CTNNB1: variants seen among roughly 807,000 people sequenced by gnomAD.
CTNNB1 encodes catenin beta-1.
A neutral mutation model predicts 82.5 loss-of-function variants in CTNNB1; 6 were observed. The observed-to-expected ratio is 0.07, with a 90% CI of 0.04 to 0.14. The LOEUF (loss-of-function observed/expected upper bound fraction) is 0.14. Ranked by LOEUF, CTNNB1 falls within the 10% of genes least tolerant of loss-of-function variation. The probability of loss-of-function intolerance (pLI) is 1.00; values close to 1 mark genes in which losing one functional copy is unlikely to be tolerated. For synonymous variants in CTNNB1, 312 were observed against 329.7 expected, an observed-to-expected ratio of 0.95 and a Z score of 0.58; for missense variants, 529 against 980.4, an observed-to-expected ratio of 0.54 and a Z score of 6.15.
chr3:41,210,598 C>T (rs918868738), intron 1 of CTNNB1, among the ~76,000 whole-genome samples: 2 of 152,142 alleles, frequency 1.3e-5, no homozygotes, highest in Non-Finnish European at 2.9e-5. Context: ...AATGGAGCTG[C>T]CACCTCCTGT....
intron 2 of CTNNB1, 73 bp downstream of exon 2, chr3:41,224,154 T>G: frequency 6.5e-7 from 1 of 1,538,476 alleles, no homozygotes; most frequent in East Asian, 2.2e-5. Context: ...CTGGCTGAGA[T>G]CCCCCTGCTT....
At chr3:41,201,491 G>T (rs1483241336) in intron 1 of CTNNB1, among the ~76,000 whole-genome samples, 1 of 152,100 alleles carries the variant, frequency 6.6e-6, no homozygotes, top group African/African-American at 2.4e-5. Flanking sequence ...TGAGATTATT[G>T]CAACAGTAAC....
At chr3:41,236,871 C>G (rs2078449702) in intron 13 of CTNNB1, 162 bp downstream of exon 13, 4 of 832,374 alleles carry the variant, frequency 4.8e-6, no homozygotes, top group South Asian at 4.5e-5. Flanking sequence ...TGAGGAAGAA[C>G]TATAATACAA....
At chr3:41,228,957 C>G (rs924333169) in intron 7 of CTNNB1, among the ~76,000 whole-genome samples, 2 of 152,132 alleles carry the variant, frequency 1.3e-5, no homozygotes, top group Non-Finnish European at 2.9e-5. Flanking sequence ...CCAGTTATCC[C>G]AGCACCATTT....
chr3:41,235,217 T>C (rs1466414186), intron 10 of CTNNB1: 1 of 167,252 alleles, frequency 6.0e-6, no homozygotes, highest in African/African-American at 2.4e-5. Flanking sequence ...AAAAGCTATC[T>C]TCCTTCTATA....
intron 1 of CTNNB1, among the ~76,000 whole-genome samples, chr3:41,209,483 G>A (rs1015823206): frequency 3.3e-5 from 5 of 152,094 alleles, no homozygotes; most frequent in East Asian, 1.9e-4. Flanking sequence ...CTCATACCAC[G>A]TATCTGAATT....
In CTNNB1 at chr3:41,239,421, CTTGG is replaced by C. The variant is rs1350356319; in HGVS notation, c.*85_*88del. 6.0e-6 allele frequency: 8 copies of C among 1,343,928 alleles called. No homozygotes were observed. The South Asian group carries it at 6.2e-5, about 10-fold the overall frequency. The allele number at this position is 1,343,928 out of a possible 1,614,324, so 83.3% of individuals were successfully genotyped here. A position where few individuals can be genotyped will look rare whatever the true frequency, so the allele number is the denominator to read the frequency against. ...CTCTGCCTACAGAACTTCAGAAAGA[CTTGG>C]TTGGTAGGGTGGGAGTGGTTTAGGC... On this transcript the variant is annotated 3_prime_UTR_variant, in exon 15 of 15. Coordinates refer to ENST00000349496, the MANE Select transcript of CTNNB1 (RefSeq NM_001904.4).
rs11564469 is a variant in CTNNB1, at chr3:41,237,046, AT to A, written c.2076+343del. 1,400 of 430,196 alleles carry A rather than the reference AT, an allele frequency of 3.3e-3. 5 individuals carry two copies. The highest frequency in any genetic ancestry group is 4.9e-3 in the Non-Finnish European group (1,189 of 243,586). 26.6% of individuals were successfully genotyped at this position (430,196 alleles called of 1,614,324 possible). On this transcript the variant is annotated intron_variant, in intron 13 of 14. Transcript: ENST00000349496. ...ACTGTTAAGAGGACAGTTTATCAGT[AT>A]TTTTTACTAAACTTTAATAAAACTT...
At chr3:41,223,452 A>G (rs1484151939) in intron 1 of CTNNB1, among the ~76,000 whole-genome samples, 1 of 152,184 alleles carries the variant, frequency 6.6e-6, no homozygotes, top group Non-Finnish European at 1.5e-5. Flanking sequence ...TTGTGTTGCA[A>G]ACTTTCATTT....
intron 1 of CTNNB1, among the ~76,000 whole-genome samples, chr3:41,214,563 A>T (rs981518176): frequency 1.3e-5 from 2 of 152,146 alleles, no homozygotes; most frequent in Admixed American, 6.5e-5. Flanking sequence ...ACGGGGGGGA[A>T]CACTTTGTGA....
chr3:41,223,929 G>A (rs927469411), intron 1 of CTNNB1, 92 bp from the exon 2 acceptor site: 10 of 936,930 alleles, frequency 1.1e-5, no homozygotes, highest in East Asian at 7.3e-5. Flanking sequence ...TTTTGTGGGT[G>A]TAATAGTGAC....
rs375776725 is a variant in CTNNB1, at chr3:41,225,390, C to A, written c.552C>A (p.Ser184=). 6.2e-7 allele frequency: 1 copy of A among 1,613,926 alleles called. No homozygotes were observed. The highest frequency in any genetic ancestry group is 8.5e-7 in the Non-Finnish European group (1 of 1,179,966). ...ATCAGCTTTCTAAAAAGGAAGCTTCCAGACACGCTATCATGCGTTCTCCTC... is the reference window on the plus strand; with the variant it reads ...ATCAGCTTTCTAAAAAGGAAGCTTCAAGACACGCTATCATGCGTTCTCCTC... ...MVHQLSKKEA[S]RHAIMRSPQM... Residue 184 remains serine, a synonymous_variant, in exon 5 of 15, where the codon TCC becomes TCA. Transcript: ENST00000349496. The surrounding 1 kb of genome is among the most constrained non-coding windows in gnomAD (Gnocchi z 5.3).
chr3:41,238,086 T>G lies in CTNNB1; in HGVS notation c.2137+10T>G. The G allele has an allele frequency of 1.9e-6, 3 of 1,611,112 alleles. No individual in the cohort carries two copies. The highest frequency in any genetic ancestry group is 2.5e-6 in the Non-Finnish European group (3 of 1,177,272). On this transcript the variant is annotated intron_variant, in intron 14 of 14. Coordinates refer to ENST00000349496, the MANE Select transcript of CTNNB1 (RefSeq NM_001904.4). ...GGATATCGCCAGGATGGTATGTGTC[T>G]CATATTTCTCGATTAACTCCAGATC...
Position 41,239,413 on chromosome 3 carries a change from C to A in CTNNB1, c.*71C>A. ...TACTTTTACTCTGCCTACAGAACTT[C>A]AGAAAGACTTGGTTGGTAGGGTGGG... On this transcript the variant is annotated 3_prime_UTR_variant, in exon 15 of 15. Transcript: ENST00000349496. 7.2e-7 allele frequency: 1 copy of A among 1,394,132 alleles called. No individual in the cohort carries two copies. The highest frequency in any genetic ancestry group is 1.0e-6 in the Non-Finnish European group (1 of 1,002,522). The allele number at this position is 1,394,132 out of a possible 1,614,324, so 86.4% of individuals were successfully genotyped here.
intron 7 of CTNNB1, among the ~76,000 whole-genome samples, chr3:41,231,340 A>AG (rs1553631564): frequency 1.3e-5 from 2 of 150,814 alleles, no homozygotes; most frequent in South Asian, 2.1e-4. Context: ...AAAAAAAAAA[A>AG]GGGAAAGAGA....
intron 1 of CTNNB1, among the ~76,000 whole-genome samples, chr3:41,202,022 T>C (rs886921941): frequency 3.3e-5 from 5 of 152,144 alleles, no homozygotes; most frequent in African/African-American, 7.2e-5. Flanking sequence ...GTTTTTGTTA[T>C]AGGGTGAGGT....
At chr3:41,204,439 T>C (rs1024012729) in intron 1 of CTNNB1, among the ~76,000 whole-genome samples, 1 of 152,230 alleles carries the variant, frequency 6.6e-6, no homozygotes, top group Non-Finnish European at 1.5e-5. Context: ...AAGAATAAGA[T>C]CGCTTTCAGA....
At chr3:41,210,247 A>T (rs1481241954) in intron 1 of CTNNB1, among the ~76,000 whole-genome samples, 1 of 152,112 alleles carries the variant, frequency 6.6e-6, no homozygotes, top group Non-Finnish European at 1.5e-5. Context: ...AGGTCAGGAG[A>T]TAAGAGACCA....
At chr3:41,208,607 T>C (rs911901160) in intron 1 of CTNNB1, among the ~76,000 whole-genome samples, 1 of 152,216 alleles carries the variant, frequency 6.6e-6, no homozygotes, top group Non-Finnish European at 1.5e-5. Flanking sequence ...TGAAGTTTCA[T>C]ACTGAATTAT....
Sources: gnomAD v4.1 joint callset for allele counts (sites outside exome capture counted in the v4.1 genomes callset) on GRCh38, gnomAD v4.1.1 for gene constraint, Gnocchi (gnomAD v3.1) non-coding constraint, MANE v1.5 for transcripts, NCBI Gene and HGNC (gene_info 2026-07-23, HGNC 2026-07-21) for gene names.